Variants in WDFY2 observed in about 807,000 individuals in gnomAD.
WDFY2 encodes WD repeat and FYVE domain containing 2, also known as WD repeat and FYVE domain-containing protein 2.
WDFY2 carries 36 observed loss-of-function variants against 56.4 expected under a neutral mutation model. The observed-to-expected ratio is 0.64, with a 90% CI of 0.49 to 0.84. The LOEUF (loss-of-function observed/expected upper bound fraction) is 0.84. WDFY2 is among the 40% of genes least tolerant of loss of function. The probability of loss-of-function intolerance (pLI) is 0.00; values close to 1 mark genes in which losing one functional copy is unlikely to be tolerated. For missense variants in WDFY2, 444 were observed against 512.2 expected, an observed-to-expected ratio of 0.87 and a Z score of 1.29; for synonymous variants, 176 against 183.7, an observed-to-expected ratio of 0.96 and a Z score of 0.34.
At chr13:51,635,953 G>A (rs1482516623) in intron 1 of WDFY2, among the ~76,000 whole-genome samples, 7 of 152,140 alleles carry the variant, frequency 4.6e-5, no homozygotes, top group African/African-American at 1.7e-4. Flanking sequence ...GTACCAAAGT[G>A]TAATTCCCTT....
Position 51,761,212 on chromosome 13 carries a change from A to G in WDFY2, c.*1443A>G, listed in dbSNP as rs1243715518. On this transcript the variant is annotated 3_prime_UTR_variant, in exon 12 of 12. Coordinates refer to ENST00000298125, the MANE Select transcript of WDFY2 (RefSeq NM_052950.4). The stretch of plus-strand genomic sequence containing the variant: ...CAGTGCAGGCTATGTTTCTGTGGGA[A>G]TGGAAAAGAGGACTTTAGAAAGTGA... 1 of 152,244 alleles carries G rather than the reference A, an allele frequency of 6.6e-6. No individual in the cohort carries two copies. Among genetic ancestry groups the G allele is most frequent in the Non-Finnish European group, 1.5e-5 (1 of 68,032 alleles). 9.4% of individuals were successfully genotyped at this position (152,244 alleles called of 1,614,324 possible). A position where few individuals can be genotyped will look rare whatever the true frequency, so the allele number is the denominator to read the frequency against.
At chr13:51,674,563 G>T (rs1341275489) in intron 2 of WDFY2, among the ~76,000 whole-genome samples, 2 of 152,096 alleles carry the variant, frequency 1.3e-5, no homozygotes, top group South Asian at 2.1e-4. Flanking sequence ...GCCCTATGAT[G>T]AGTTGGTTCT....
At chr13:51,683,989 G>C (rs182575770) in intron 3 of WDFY2, among the ~76,000 whole-genome samples, 1 of 152,050 alleles carries the variant, frequency 6.6e-6, no homozygotes, top group Non-Finnish European at 1.5e-5. Context: ...TTGAATGCAG[G>C]CTCCACACCT....
At chr13:51,694,831 G>C (rs904745960) in intron 3 of WDFY2, among the ~76,000 whole-genome samples, 2 of 152,098 alleles carry the variant, frequency 1.3e-5, no homozygotes, top group African/African-American at 4.8e-5. Flanking sequence ...ATCAGACGTA[G>C]ATTTGGTCTT....
At chr13:51,691,734 A>C (rs981180777) in intron 3 of WDFY2, among the ~76,000 whole-genome samples, 7 of 152,144 alleles carry the variant, frequency 4.6e-5, no homozygotes, top group African/African-American at 1.7e-4. Flanking sequence ...TTCTGTGAAG[A>C]AAGTCATTGG....
At chr13:51,740,925 C>T (rs1952957311) in intron 7 of WDFY2, among the ~76,000 whole-genome samples, 1 of 152,290 alleles carries the variant, frequency 6.6e-6, no homozygotes, top group Admixed American at 6.5e-5. Context: ...CACTTTTGCA[C>T]GATTTCATGC....
At chr13:51,700,899 G>A (rs567725901) in intron 3 of WDFY2, among the ~76,000 whole-genome samples, 9 of 152,148 alleles carry the variant, frequency 5.9e-5, no homozygotes, top group Admixed American at 2.6e-4. Flanking sequence ...CCCAGGAGGC[G>A]GAGGTTGCGG....
chr13:51,702,603 A>T (rs977344044), intron 3 of WDFY2, among the ~76,000 whole-genome samples: 1 of 152,196 alleles, frequency 6.6e-6, no homozygotes, highest in African/African-American at 2.4e-5. Flanking sequence ...CAATAAAATA[A>T]TATTTCCTTC....
chr13:51,751,344 A>G lies in WDFY2; in HGVS notation c.760A>G (p.Thr254Ala), dbSNP rs1314254702. Residue 254 changes from threonine (T) to alanine (A), a missense_variant, in exon 8 of 12, where the codon ACG becomes GCG. Transcript: ENST00000298125. ...CCAGGCCCTCTCCTATGCACAGCAC[A>G]CGCGACAATTGATCTCCTGTGGCGG... is the stretch of plus-strand genomic sequence containing the variant. ...RVQALSYAQH[T>A]RQLISCGGDG... 2.5e-6 allele frequency: 4 copies of G among 1,613,920 alleles called. No homozygotes were observed. The highest frequency in any genetic ancestry group is 3.4e-6 in the Non-Finnish European group (4 of 1,179,960).
chr13:51,727,637 C>T, intron 5 of WDFY2, 41 bp from the exon 6 acceptor site: 1 of 1,577,420 alleles, frequency 6.3e-7, no homozygotes. Context: ...TAAATTCCCT[C>T]ATTTAATTTT....
intron 1 of WDFY2, among the ~76,000 whole-genome samples, chr13:51,614,493 A>G (rs1377866680): frequency 6.6e-6 from 1 of 152,168 alleles, no homozygotes; most frequent in Non-Finnish European, 1.5e-5. Flanking sequence ...TCAGAGACCC[A>G]TGGTGCTGCT....
At chr13:51,640,339 C>T (rs1321496860) in intron 1 of WDFY2, among the ~76,000 whole-genome samples, 1 of 152,118 alleles carries the variant, frequency 6.6e-6, no homozygotes, top group African/African-American at 2.4e-5. Context: ...ATACAACACA[C>T]AGAAATAGCA....
chr13:51,647,543 C>T (rs965068577), intron 1 of WDFY2, among the ~76,000 whole-genome samples: 1 of 152,012 alleles, frequency 6.6e-6, no homozygotes, highest in Non-Finnish European at 1.5e-5. Context: ...TCACTTGAGG[C>T]CGGGAGTTCC....
intron 1 of WDFY2, among the ~76,000 whole-genome samples, chr13:51,642,090 A>G (rs190529101): frequency 2.8e-3 from 423 of 151,928 alleles, no homozygotes; most frequent in African/African-American, 9.5e-3. Flanking sequence ...TAGTCTTTCC[A>G]GTTATCTATA....
Position 51,732,141 on chromosome 13 carries a change from G to GT in WDFY2, c.598+4358dup, listed in dbSNP as rs1462754995. Among the ~76,000 whole-genome samples the GT allele has an allele frequency of 3.3e-5, 5 of 150,404 alleles. 1 individual carries two copies. Among genetic ancestry groups the GT allele is most frequent in the South Asian group, 4.2e-4 (2 of 4,794 alleles). ...TTGAACAGAGGAGAATTTTTTTTTTGTTTTTTTGAGACAGAATCTCGCTCT... is the reference window on the plus strand; with the variant it reads ...TTGAACAGAGGAGAATTTTTTTTTTGTTTTTTTTGAGACAGAATCTCGCTCT... On this transcript the variant is annotated intron_variant, in intron 6 of 11. Transcript: ENST00000298125.
rs575656145 is a variant in WDFY2 at position 51,695,147 on chromosome 13, G to T, written c.280-8449G>T. On this transcript the variant is annotated intron_variant, in intron 3 of 11. Transcript: ENST00000298125. ...CTTGAATTTCCTCCTGTAGCTTGGA[G>T]TAGTTTGATCGTCTGAAGCCTTCTT... Among the ~76,000 whole-genome samples the T allele has an allele frequency of 2.0e-5, 3 of 152,278 alleles. No homozygotes were observed. The East Asian group carries it at 5.8e-4, about 29-fold the overall frequency.
At chr13:51,756,662 C>G (rs1280720864) in intron 10 of WDFY2, 200 bp downstream of exon 10, 1 of 983,644 alleles carries the variant, frequency 1.0e-6, no homozygotes, top group Non-Finnish European at 1.2e-6. Flanking sequence ...AAAATACACT[C>G]AAAGAATTCA....
intron 1 of WDFY2, among the ~76,000 whole-genome samples, chr13:51,608,122 G>T (rs1252407238): frequency 6.6e-6 from 1 of 152,146 alleles, no homozygotes; most frequent in Non-Finnish European, 1.5e-5. Context: ...ACTCACTTTG[G>T]ACTTCTGACC....
intron 2 of WDFY2, among the ~76,000 whole-genome samples, chr13:51,664,479 G>A (rs1365903171): frequency 6.6e-6 from 1 of 152,214 alleles, no homozygotes; most frequent in Non-Finnish European, 1.5e-5. Context: ...AGAAAAGGTA[G>A]GGTGAACCAG....
Sources: allele counts gnomAD v4.1 joint callset (sites outside exome capture counted in the v4.1 genomes callset), GRCh38; gene constraint gnomAD v4.1.1; transcripts MANE v1.5; gene names NCBI Gene and HGNC (gene_info 2026-07-23, HGNC 2026-07-21).